NXPE3: variants seen among roughly 807,000 people sequenced by gnomAD.
NXPE3 encodes NXPE family member 3.
In NXPE3, 26 loss-of-function variants were observed where a neutral mutation model predicts 46.1. The ratio of observed to expected loss-of-function variants is 0.56; its 90% CI spans 0.41 to 0.78. The LOEUF (loss-of-function observed/expected upper bound fraction) is 0.78. Ranked by LOEUF, NXPE3 falls within the 30% of genes least tolerant of loss-of-function variation. The pLI, the probability that NXPE3 is intolerant of heterozygous loss-of-function variation, is 0.00. For missense variants in NXPE3, 620 were observed against 686.0 expected, an observed-to-expected ratio of 0.90 and a Z score of 1.07; for synonymous variants, 272 against 257.9, an observed-to-expected ratio of 1.05 and a Z score of -0.52.
At chr3:101,802,527 TC>T (rs1397930485) in intron 5 of NXPE3, among the ~76,000 whole-genome samples, 10 of 152,070 alleles carry the variant, frequency 6.6e-5, no homozygotes, top group African/African-American at 9.7e-5. Context: ...TATCTTTGTA[TC>T]TAATGAACTG....
rs943746978 is a variant in NXPE3 at position 101,827,993 on chromosome 3, C to T, written c.*6039C>T. The T allele has an allele frequency of 2.0e-5, 3 of 152,242 alleles. No homozygotes were observed. Among genetic ancestry groups the T allele is most frequent in the Admixed American group, 2.0e-4 (3 of 15,274 alleles). The allele number at this position is 152,242 out of a possible 1,614,324, so 9.4% of individuals were successfully genotyped here. A position where few individuals can be genotyped will look rare whatever the true frequency, so the allele number is the denominator to read the frequency against. On this transcript the variant is annotated 3_prime_UTR_variant, in exon 8 of 8. Coordinates refer to ENST00000273347, the MANE Select transcript of NXPE3 (RefSeq NM_145037.4). The stretch of plus-strand genomic sequence containing the variant: ...GGCGCCAGTGAGAGGGGCTGGCCTC[C>T]TCTTGCCACGAGGTCAGACGGCGAG...
rs1449237700 is a variant in NXPE3 at position 101,823,450 on chromosome 3, AT to A, written c.*1497del. 3.9e-5 allele frequency: 6 copies of A among 152,158 alleles called. No individual in the cohort carries two copies. Among genetic ancestry groups the A allele is most frequent in the Non-Finnish European group, 8.8e-5 (6 of 68,030 alleles). 9.4% of individuals were successfully genotyped at this position (152,158 alleles called of 1,614,324 possible). A position where few individuals can be genotyped will look rare whatever the true frequency, so the allele number is the denominator to read the frequency against. On this transcript the variant is annotated 3_prime_UTR_variant, in exon 8 of 8. Coordinates refer to ENST00000273347, the MANE Select transcript of NXPE3 (RefSeq NM_145037.4). The stretch of plus-strand genomic sequence containing the variant: ...TCCTTACGCTTTACAGTACCTAAGG[AT>A]CACTTGTAGTATCTGACAAAAATGC...
Position 101,817,458 on chromosome 3 carries a change from A to G in NXPE3, c.1129+457A>G, listed in dbSNP as rs150066194. On this transcript the variant is annotated intron_variant, in intron 7 of 7. Coordinates refer to ENST00000273347, the MANE Select transcript of NXPE3 (RefSeq NM_145037.4). ...GAAGCAGCCAGACCTATGGTAGTCC[A>G]TATTGCATCCTTGCAGCAAAGCCAT... is the stretch of plus-strand genomic sequence containing the variant. 6.6e-5 allele frequency among the ~76,000 whole-genome samples: 10 copies of G among 152,338 alleles called. No homozygotes were observed. In the East Asian group the frequency reaches 1.9e-3, roughly 29 times the overall value.
intron 6 of NXPE3, among the ~76,000 whole-genome samples, chr3:101,808,818 G>GAT (rs58006464): frequency 0.048 from 1,462 of 30,706 alleles, 77 homozygotes; most frequent in African/African-American, 0.069. Flanking sequence ...AATTTTAGAG[G>GAT]ATATATATAT....
In NXPE3 at chr3:101,816,926, CAAAGA is replaced by C; in HGVS notation, c.1059_1063del (p.Arg353SerfsTer7). The C allele has an allele frequency of 6.2e-7, 1 of 1,614,102 alleles. No individual in the cohort carries two copies. Among genetic ancestry groups the C allele is most frequent in the Non-Finnish European group, 8.5e-7 (1 of 1,179,988 alleles). ...CCCTGACAACATTACAGAGTGCTTA[CAAAGA>C]AAAGTGGTGCATTTATTTGGTGACT... On this transcript the variant is annotated frameshift_variant, in exon 7 of 8. Transcript: ENST00000273347. LOFTEE classifies it high-confidence loss of function.
At chr3:101,808,926 C>A (rs1941581396) in intron 6 of NXPE3, among the ~76,000 whole-genome samples, 1 of 145,896 alleles carries the variant, frequency 6.9e-6, no homozygotes, top group African/African-American at 2.5e-5. Context: ...AGGTGTCCTT[C>A]AGTAGTACTG....
chr3:101,790,356 A>G (rs553404227), intron 4 of NXPE3, among the ~76,000 whole-genome samples: 1 of 152,214 alleles, frequency 6.6e-6, no homozygotes, highest in African/African-American at 2.4e-5. Context: ...GAATTTGTCT[A>G]TTTCACCTTG....
chr3:101,785,862 G>A (rs540563364), intron 4 of NXPE3, among the ~76,000 whole-genome samples, 173 bp downstream of exon 4: 18 of 152,264 alleles, frequency 1.2e-4, no homozygotes, highest in Admixed American at 4.6e-4. Context: ...GCTAGTCACC[G>A]AGGGTACAGT....
rs1304701099 is a variant in NXPE3 at position 101,826,495 on chromosome 3, G to C, written c.*4541G>C. 2 of 152,110 alleles carry C rather than the reference G, an allele frequency of 1.3e-5. No homozygotes were observed. Among genetic ancestry groups the C allele is most frequent in the Non-Finnish European group, 2.9e-5 (2 of 68,020 alleles). The allele number at this position is 152,110 out of a possible 1,614,324, so 9.4% of individuals were successfully genotyped here. The stretch of plus-strand genomic sequence containing the variant: ...CTACAATGTAGTATTAGTGTACTTA[G>C]GATTCTTGACACCTCAGTGTGCAAT... On this transcript the variant is annotated 3_prime_UTR_variant, in exon 8 of 8. Transcript: ENST00000273347.
intron 6 of NXPE3, among the ~76,000 whole-genome samples, chr3:101,808,820 T>TATAGATATATATATAG (rs1553802995): frequency 2.5e-5 from 2 of 79,822 alleles, no homozygotes; most frequent in Non-Finnish European, 4.9e-5. Context: ...TTTTAGAGGA[T>TATAGATATATATATAG]ATATATATAT....
At chr3:101,812,524 A>G (rs1289031984) in intron 6 of NXPE3, among the ~76,000 whole-genome samples, 1 of 151,984 alleles carries the variant, frequency 6.6e-6, no homozygotes, top group African/African-American at 2.4e-5. Flanking sequence ...TTTAAAAGGT[A>G]TTTCGACGGC....
At position 101,821,531 on chromosome 3, in the gene NXPE3, C is replaced by T. The variant is rs1942249259; in HGVS notation, c.1257C>T (p.Ser419=). 1 of 1,614,078 alleles carries T rather than the reference C, an allele frequency of 6.2e-7. No individual in the cohort carries two copies. Among genetic ancestry groups the T allele is most frequent in the African/African-American group, 1.3e-5 (1 of 74,926 alleles). Residue 419 remains serine (S), a synonymous_variant, in exon 8 of 8, where the codon AGC becomes AGT. Transcript: ENST00000273347. ...CCATCCGCTTCACGACTGTCTTTAG[C>T]AATGAGCTCCATTATGTGGCGAATG... ...GPPIRFTTVF[S]NELHYVANEL...
chr3:101,793,047 C>T (rs1163798394), intron 4 of NXPE3, among the ~76,000 whole-genome samples: 1 of 152,086 alleles, frequency 6.6e-6, no homozygotes, highest in Non-Finnish European at 1.5e-5. Flanking sequence ...GATTGCCTTT[C>T]TGATTTGGCT....
At chr3:101,795,866 A>G (rs1940803298) in intron 4 of NXPE3, among the ~76,000 whole-genome samples, 1 of 152,086 alleles carries the variant, frequency 6.6e-6, no homozygotes, top group Non-Finnish European at 1.5e-5. Flanking sequence ...GTTACCTTTC[A>G]TCTATGGCAT....
Position 101,826,357 on chromosome 3 carries a change from TGTGGATTCTGGGTAA to T in NXPE3, c.*4404_*4418del, listed in dbSNP as rs1009825632. The T allele has an allele frequency of 1.3e-5, 2 of 152,202 alleles. No individual in the cohort carries two copies. Among genetic ancestry groups the T allele is most frequent in the African/African-American group, 4.8e-5 (2 of 41,440 alleles). The allele number at this position is 152,202 out of a possible 1,614,324, so 9.4% of individuals were successfully genotyped here. A position where few individuals can be genotyped will look rare whatever the true frequency, so the allele number is the denominator to read the frequency against. ...CTAAAAAACTGCTCAGCATTATCTC[TGTGGATTCTGGGTAA>T]ATTCAGCTTTTTAACATCAGCTAGT... On this transcript the variant is annotated 3_prime_UTR_variant, in exon 8 of 8. Transcript: ENST00000273347.
rs1388649739 is a variant in NXPE3, at chr3:101,826,399, A to C, written c.*4445A>C. Reference sequence around the variant, plus strand: ...TTCAGCTTTTTAACATCAGCTAGTCACTAATGCCAGAAATTCCACTTCAAG... The same window carrying C: ...TTCAGCTTTTTAACATCAGCTAGTCCCTAATGCCAGAAATTCCACTTCAAG... On this transcript the variant is annotated 3_prime_UTR_variant, in exon 8 of 8. Coordinates refer to ENST00000273347, the MANE Select transcript of NXPE3 (RefSeq NM_145037.4). 6.6e-6 allele frequency: 1 copy of C among 152,324 alleles called. No homozygotes were observed. Among genetic ancestry groups the C allele is most frequent in the South Asian group, 2.1e-4 (1 of 4,826 alleles). The allele number at this position is 152,324 out of a possible 1,614,324, so 9.4% of individuals were successfully genotyped here.
intron 6 of NXPE3, among the ~76,000 whole-genome samples, chr3:101,810,865 G>A (rs531697925): frequency 1.1e-4 from 17 of 151,688 alleles, no homozygotes; most frequent in Admixed American, 4.6e-4. Context: ...GTCTTGCTCT[G>A]TTGCCCAGGC....
chr3:101,785,557 G>A lies in NXPE3; in HGVS notation c.-40G>A, dbSNP rs1940108555. 1.3e-6 allele frequency: 2 copies of A among 1,529,116 alleles called. No homozygotes were observed. Among genetic ancestry groups the A allele is most frequent in the Middle Eastern group, 1.7e-4 (1 of 5,912 alleles). The allele number at this position is 1,529,116 out of a possible 1,614,324, so 94.7% of individuals were successfully genotyped here. A position where few individuals can be genotyped will look rare whatever the true frequency, so the allele number is the denominator to read the frequency against. Reference sequence around the variant, plus strand: ...CATGGAATTTTAAAGAGTGAAGGTAGCATGGTGTCGGCCATGGGTGAACAA... The same window carrying A: ...CATGGAATTTTAAAGAGTGAAGGTAACATGGTGTCGGCCATGGGTGAACAA... On this transcript the variant is annotated 5_prime_UTR_variant, in exon 4 of 8. Coordinates refer to ENST00000273347, the MANE Select transcript of NXPE3 (RefSeq NM_145037.4).
rs72937638 is a variant in NXPE3 at position 101,791,856 on chromosome 3, G to A, written c.93+6167G>A. Reference sequence around the variant, plus strand: ...GTAGTTCTGCTTTTAGGTCTTTGAGGAATTGCCATAATGCTTTCCACAATC... The same window carrying A: ...GTAGTTCTGCTTTTAGGTCTTTGAGAAATTGCCATAATGCTTTCCACAATC... On this transcript the variant is annotated intron_variant, in intron 4 of 7. Coordinates refer to ENST00000273347, the MANE Select transcript of NXPE3 (RefSeq NM_145037.4). 3.1e-3 allele frequency among the ~76,000 whole-genome samples: 475 copies of A among 152,284 alleles called. 2 individuals are homozygous for A. Among genetic ancestry groups the A allele is most frequent in the African/African-American group, 0.011 (443 of 41,566 alleles).
Sources: gnomAD v4.1 joint callset for allele counts (sites outside exome capture counted in the v4.1 genomes callset) on GRCh38, gnomAD v4.1.1 for gene constraint, MANE v1.5 for transcripts, NCBI Gene and HGNC (gene_info 2026-07-23, HGNC 2026-07-21) for gene names.